The following SRPX variants were observed in gnomAD, a reference collection of about 807,000 sequenced individuals.
SRPX encodes the protein sushi repeat-containing protein SRPX.
SRPX carries 24 observed loss-of-function variants against 38.1 expected under a neutral mutation model. That is an observed-to-expected ratio of 0.63 (90% CI 0.46 to 0.89). SRPX has a LOEUF of 0.89. Ranked by LOEUF, SRPX falls within the 40% of genes least tolerant of loss-of-function variation. The probability of loss-of-function intolerance (pLI) is 0.00; values close to 1 mark genes in which losing one functional copy is unlikely to be tolerated. For synonymous variants in SRPX, 184 were observed against 153.8 expected (o/e 1.20, Z -1.45); for missense variants, 416 against 377.8 (o/e 1.10, Z -0.84).
At chrX:38,171,818 G>A in intron 4 of SRPX, 63 bp downstream of exon 4, 4 of 1,122,168 alleles carry the variant, frequency 3.6e-6, no homozygotes, top group Non-Finnish European at 4.9e-6. Context: ...TACAATCCAC[G>A]ATGTGAACAC....
rs369046467 is a variant in SRPX at position 38,174,273 on chromosome X, G to T, written c.236C>A (p.Thr79Lys). ...AATGTCGCACCTGGTTCCCAGGGCT[G>T]TTTTGTAGTATCCTCCTTGAGGGGC... ...CRAPQGGYYKTALGTRCDIRC... is the reference protein window; with the variant it reads ...CRAPQGGYYKKALGTRCDIRC... Residue 79 changes from threonine to lysine, a missense_variant, in exon 3 of 10, where the codon ACA becomes AAA. Thr to Lys is a moderately conservative substitution (Grantham distance 78). Coordinates refer to ENST00000378533, the MANE Select transcript of SRPX (RefSeq NM_006307.5). 147 of 1,160,352 alleles carry T rather than the reference G, an allele frequency of 1.3e-4. No individual in the cohort carries two copies. The highest frequency in any genetic ancestry group is 1.3e-4 in the Admixed American group (5 of 39,111).
At chrX:38,194,287 ATAT>A (rs776455357) in intron 1 of SRPX, among the ~76,000 whole-genome samples, 1,248 of 111,854 alleles carry the variant, frequency 0.011, 8 homozygotes, top group Middle Eastern at 0.028. Flanking sequence ...TATTACTATT[ATAT>A]TATTACTAAA....
At chrX:38,180,183 A>G (rs1267364750) in intron 1 of SRPX, among the ~76,000 whole-genome samples, 4 of 111,290 alleles carry the variant, frequency 3.6e-5, no homozygotes, top group African/African-American at 1.3e-4. Flanking sequence ...ACACATACAT[A>G]TATTTTGCCC....
intron 1 of SRPX, among the ~76,000 whole-genome samples, chrX:38,206,073 T>A (rs1939204640): frequency 8.8e-6 from 1 of 113,180 alleles, no homozygotes; most frequent in Non-Finnish European, 1.9e-5. Context: ...TCTGGATCTA[T>A]GCCTTAAGTG....
At chrX:38,196,425 C>T (rs1269857130) in intron 1 of SRPX, among the ~76,000 whole-genome samples, 2 of 112,564 alleles carry the variant, frequency 1.8e-5, no homozygotes, top group African/African-American at 6.5e-5. Context: ...GTATGATGCC[C>T]TCTCATATTT....
At chrX:38,189,601 G>A (rs774927006) in intron 1 of SRPX, among the ~76,000 whole-genome samples, 2 of 111,792 alleles carry the variant, frequency 1.8e-5, no homozygotes, top group South Asian at 7.6e-4. Flanking sequence ...CTGTCTTCAT[G>A]ACTCAGAAAC....
At chrX:38,150,242 A>G (rs773445279) in intron 9 of SRPX, among the ~76,000 whole-genome samples, 146 of 112,590 alleles carry the variant, frequency 1.3e-3, no homozygotes, top group African/African-American at 4.7e-3. Context: ...ATGGTGCCAC[A>G]TACCAACGTT....
chrX:38,181,697 C>T (rs1179297729), intron 1 of SRPX, among the ~76,000 whole-genome samples: 2 of 111,835 alleles, frequency 1.8e-5, no homozygotes, highest in Admixed American at 1.9e-4. Context: ...TTTGTGAGTA[C>T]CTTATTTCCT....
intron 1 of SRPX, among the ~76,000 whole-genome samples, chrX:38,181,293 A>G (rs1938667862): frequency 8.9e-6 from 1 of 112,407 alleles, no homozygotes; most frequent in Non-Finnish European, 1.9e-5. Flanking sequence ...GGAATCACAG[A>G]TTAGTAAGAT....
intron 5 of SRPX, among the ~76,000 whole-genome samples, chrX:38,162,308 G>A (rs1000221508): frequency 9.0e-6 from 1 of 111,727 alleles, no homozygotes; most frequent in Non-Finnish European, 1.9e-5. Flanking sequence ...AGGAAATGGT[G>A]GAAGGGGTCA....
At chrX:38,169,392 A>G (rs1426157163) in intron 4 of SRPX, among the ~76,000 whole-genome samples, 1 of 112,285 alleles carries the variant, frequency 8.9e-6, no homozygotes, top group East Asian at 2.8e-4. Context: ...CTGGGACACA[A>G]GAAACGTATG....
intron 8 of SRPX, 46 bp downstream of exon 8, chrX:38,156,850 C>T: frequency 8.4e-7 from 1 of 1,184,315 alleles, no homozygotes; most frequent in Non-Finnish European, 1.1e-6. Context: ...TGGGCCCTTC[C>T]TGTTAAAGGT....
chrX:38,219,597 CATTT>C (rs72422496), intron 1 of SRPX, among the ~76,000 whole-genome samples: 32,311 of 110,497 alleles, frequency 0.29, 3,613 homozygotes, highest in East Asian at 0.46. Flanking sequence ...TCTATTCATT[CATTT>C]ATTTAGGTGC....
intron 4 of SRPX, among the ~76,000 whole-genome samples, 186 bp from the exon 5 acceptor site, chrX:38,165,081 T>C (rs1298822216): frequency 8.9e-6 from 1 of 111,928 alleles, no homozygotes; most frequent in African/African-American, 3.2e-5. Context: ...TTTTGAAGAT[T>C]GTTTAAATAC....
chrX:38,161,114 C>T lies in SRPX; in HGVS notation c.654-60G>A, dbSNP rs147992035. On this transcript the variant is annotated intron_variant, in intron 5 of 9. Transcript: ENST00000378533. ...CATTATGGACCTGACAAGCAAGTGA[C>T]GATCCCCTACTCTTTACAGGACATG... 506 of 1,164,485 alleles carry T rather than the reference C, an allele frequency of 4.3e-4. 4 individuals are homozygous for T. In the African/African-American group the frequency reaches 7.9e-3, roughly 18 times the overall value.
At chrX:38,161,361 C>T (rs1377919238) in intron 5 of SRPX, among the ~76,000 whole-genome samples, 1 of 109,428 alleles carries the variant, frequency 9.1e-6, no homozygotes, top group African/African-American at 3.3e-5. Flanking sequence ...GCCCAAGTCT[C>T]CTCCTTCAAT....
chrX:38,163,108 C>T (rs1011439473), intron 5 of SRPX, among the ~76,000 whole-genome samples: 21 of 112,604 alleles, frequency 1.9e-4, no homozygotes, highest in African/African-American at 6.8e-4. Flanking sequence ...TGATTGCCTA[C>T]ATTTTCTCCA....
intron 1 of SRPX, among the ~76,000 whole-genome samples, chrX:38,215,814 C>T (rs1305470826): frequency 8.9e-6 from 1 of 112,128 alleles, no homozygotes; most frequent in Non-Finnish European, 1.9e-5. Flanking sequence ...TTACAATTTA[C>T]GATTACATCT....
At chrX:38,153,201 A>G (rs1938049084) in intron 9 of SRPX, among the ~76,000 whole-genome samples, 1 of 110,145 alleles carries the variant, frequency 9.1e-6, no homozygotes, top group African/African-American at 3.3e-5. Context: ...ATATGAGTGT[A>G]CCCAGCCTTC....
Sources: allele counts gnomAD v4.1 joint callset (sites outside exome capture counted in the v4.1 genomes callset), GRCh38; gene constraint gnomAD v4.1.1; transcripts MANE v1.5; gene names NCBI Gene and HGNC (gene_info 2026-07-23, HGNC 2026-07-21).